Variants in ABCA9 observed in about 807,000 individuals in gnomAD.
ABCA9 encodes ATP-binding cassette sub-family A member 9.
ABCA9 carries 183 observed loss-of-function variants against 205.3 expected under a neutral mutation model. The ratio of observed to expected loss-of-function variants is 0.89; its 90% CI spans 0.79 to 1.01. ABCA9 has a LOEUF of 1.01. Among genes scored for constraint, ABCA9 ranks in the 50% least tolerant of loss-of-function variants. ABCA9 has a pLI of 0.00. For synonymous variants in ABCA9, 651 were observed against 683.3 expected (o/e 0.95, Z 0.74); for missense variants, 1,805 against 1,912.4 (o/e 0.94, Z 1.05).
chr17:69,026,925 C>T, intron 15 of ABCA9, 51 bp downstream of exon 15: 3 of 1,597,280 alleles, frequency 1.9e-6, no homozygotes, highest in South Asian at 1.1e-5. Flanking sequence ...GTTCATATTC[C>T]ACACTGTCTC....
At chr17:69,045,709 A>T (rs2071686786) in intron 3 of ABCA9, among the ~76,000 whole-genome samples, 1 of 152,118 alleles carries the variant, frequency 6.6e-6, no homozygotes, top group African/African-American at 2.4e-5. Flanking sequence ...AGCAGAAGGT[A>T]CCTCTTTCCA....
chr17:68,990,958 C>G lies in ABCA9; in HGVS notation c.3717-1G>C. On this transcript the variant is annotated splice_acceptor_variant, in intron 28 of 38. Coordinates refer to ENST00000340001, the MANE Select transcript of ABCA9 (RefSeq NM_080283.4). LOFTEE classifies it high-confidence loss of function. ...AATAGCGTTGCTTCTTGGAGAAATT[C>G]TGAAATCAAAACAGTGTGATAATGA... The G allele has an allele frequency of 1.9e-6, 3 of 1,607,342 alleles. No individual in the cohort carries two copies. The highest frequency in any genetic ancestry group is 2.5e-6 in the Non-Finnish European group (3 of 1,178,414).
rs2071041569 is a variant in ABCA9, at chr17:69,027,782, C to T, written c.1649G>A (p.Arg550Lys). Reference sequence around the variant, plus strand: ...GCTGATATTTTCTATATCAGCCATTCTTGAAAGTGTGTGATTATAGACAGT... The same window carrying T: ...GCTGATATTTTCTATATCAGCCATTTTTGAAAGTGTGTGATTATAGACAGT... ...SVTVYNHTLS[R>K]MADIENISKF... is the part of the protein sequence containing the mutation. Residue 550 changes from arginine to lysine, a missense_variant, in exon 13 of 39, where the codon AGA (arginine) becomes AAA (lysine). Transcript: ENST00000340001. The T allele has an allele frequency of 6.2e-7, 1 of 1,612,316 alleles. No individual in the cohort carries two copies. Among genetic ancestry groups the T allele is most frequent in the African/African-American group, 1.3e-5 (1 of 74,978 alleles).
At chr17:69,028,781 C>T in intron 11 of ABCA9, 136 bp from the exon 12 acceptor site, 1 of 479,456 alleles carries the variant, frequency 2.1e-6, no homozygotes, top group Non-Finnish European at 3.6e-6. Flanking sequence ...AAAATTCTTT[C>T]TTTTAAAACT....
chr17:69,041,649 A>G (rs1007165778), intron 6 of ABCA9, among the ~76,000 whole-genome samples: 1 of 152,124 alleles, frequency 6.6e-6, no homozygotes, highest in Admixed American at 6.6e-5. Context: ...GGTTGCAGTG[A>G]GCCAAGATCA....
chr17:68,987,622 T>A (rs2069278608), intron 31 of ABCA9, among the ~76,000 whole-genome samples: 1 of 152,176 alleles, frequency 6.6e-6, no homozygotes, highest in African/African-American at 2.4e-5. Context: ...AAGGCCAATG[T>A]GAGCAGGCGG....
At position 69,029,206 on chromosome 17, in the gene ABCA9, T is replaced by G. The variant is rs2071085214; in HGVS notation, c.1467A>C (p.Glu489Asp). ...EAIRIKNLKK[E>D]YAGKCERVEA... ...CTACTCTCTCACACTTCCCTGCATATTCTTTTTTAAGATTTTTGATTCTGA... is the reference window on the plus strand; with the variant it reads ...CTACTCTCTCACACTTCCCTGCATAGTCTTTTTTAAGATTTTTGATTCTGA... Residue 489 changes from glutamate (E) to aspartate (D), a missense_variant, in exon 11 of 39, where the codon GAA (glutamate) becomes GAC (aspartate). Transcript: ENST00000340001. 1.3e-6 allele frequency: 2 copies of G among 1,561,888 alleles called. No individual in the cohort carries two copies. The highest frequency in any genetic ancestry group is 1.7e-6 in the Non-Finnish European group (2 of 1,143,288).
intron 25 of ABCA9, among the ~76,000 whole-genome samples, chr17:68,999,197 A>G (rs1244885345): frequency 6.7e-6 from 1 of 148,572 alleles, no homozygotes; most frequent in Non-Finnish European, 1.5e-5. Context: ...ACATACGTAT[A>G]CATGTGCCAT....
chr17:69,035,231 T>G lies in ABCA9; in HGVS notation c.1128+15A>C. 1 of 1,519,108 alleles carries G rather than the reference T, an allele frequency of 6.6e-7. No homozygotes were observed. The allele number at this position is 1,519,108 out of a possible 1,614,324, so 94.1% of individuals were successfully genotyped here. A position where few individuals can be genotyped will look rare whatever the true frequency, so the allele number is the denominator to read the frequency against. The stretch of plus-strand genomic sequence containing the variant: ...AACGGTTTGTAAAAAGTGAAAGTGT[T>G]ACCTTAACTCTTACCTGGGCCATCC... On this transcript the variant is annotated intron_variant, in intron 8 of 38. Transcript: ENST00000340001.
At chr17:69,013,722 G>T (rs1690999440) in intron 22 of ABCA9, among the ~76,000 whole-genome samples, 1 of 152,106 alleles carries the variant, frequency 6.6e-6, no homozygotes, top group African/African-American at 2.4e-5. Context: ...GTTTGGCCGG[G>T]TGATGACTTG....
intron 3 of ABCA9, 125 bp downstream of exon 3, chr17:69,049,158 A>G (rs1013349486): frequency 3.7e-6 from 4 of 1,075,138 alleles, no homozygotes; most frequent in Non-Finnish European, 5.3e-6. Context: ...TGGAAGGAAT[A>G]TACGTTAATG....
intron 30 of ABCA9, 138 bp from the exon 31 acceptor site, chr17:68,989,256 T>TCTCTCACACACA (rs138281321): frequency 0.01 from 2,486 of 242,902 alleles, 19 homozygotes; most frequent in Non-Finnish European, 0.015. Flanking sequence ...TCTCTCTCTC[T>TCTCTCACACACA]CACACACACA....
the ABCA9 span, among the ~76,000 whole-genome samples, chr17:69,071,512 G>A: frequency 6.6e-6 from 1 of 152,170 alleles, no homozygotes; most frequent in South Asian, 2.1e-4. Context: ...CTGACTGTTA[G>A]AAGAAAAACT....
At chr17:69,018,391 T>C (rs370079797) in intron 20 of ABCA9, 22 bp downstream of exon 20, 5 of 1,505,526 alleles carry the variant, frequency 3.3e-6, no homozygotes, top group Non-Finnish European at 4.4e-6. Context: ...ATTTAACAGC[T>C]GCATTTCAGC....
At chr17:68,976,268 T>C (rs886206614) in intron 37 of ABCA9, 78 bp from the exon 38 acceptor site, 87 of 1,155,318 alleles carry the variant, frequency 7.5e-5, no homozygotes, top group Non-Finnish European at 1.1e-4. Context: ...CCAAAATACA[T>C]ACAAGTAGAT....
At chr17:69,004,343 G>A (rs901194604) in intron 25 of ABCA9, among the ~76,000 whole-genome samples, 4 of 152,300 alleles carry the variant, frequency 2.6e-5, no homozygotes, top group Non-Finnish European at 5.9e-5. Flanking sequence ...TAACGGACAG[G>A]ACCCTGAGCT....
At chr17:69,056,421 C>T (rs555252142) in intron 1 of ABCA9, among the ~76,000 whole-genome samples, 3 of 152,244 alleles carry the variant, frequency 2.0e-5, no homozygotes, top group South Asian at 2.1e-4. Flanking sequence ...CTAGATGAAA[C>T]GAATCAGTTC....
chr17:68,997,670 A>T (rs2144083521), intron 25 of ABCA9, among the ~76,000 whole-genome samples: 1 of 151,668 alleles, frequency 6.6e-6, no homozygotes, highest in African/African-American at 2.4e-5. Flanking sequence ...CTTCACAGCA[A>T]AATTGAGTGG....
chr17:69,030,981 C>T (rs935800710), intron 10 of ABCA9, among the ~76,000 whole-genome samples: 18 of 152,022 alleles, frequency 1.2e-4, no homozygotes, highest in East Asian at 9.6e-4. Flanking sequence ...TGTTGGGTGC[C>T]GCACCAGCCA....
Sources: gnomAD v4.1 joint callset for allele counts (sites outside exome capture counted in the v4.1 genomes callset) on GRCh38, gnomAD v4.1.1 for gene constraint, MANE v1.5 for transcripts, NCBI Gene and HGNC (gene_info 2026-07-23, HGNC 2026-07-21) for gene names.